The following ANKRD11 variants were observed in gnomAD, a reference collection of about 807,000 sequenced individuals.
ANKRD11 encodes ankyrin repeat domain-containing protein 11.
A neutral mutation model predicts 195.7 loss-of-function variants in ANKRD11; 17 were observed. That is an observed-to-expected ratio of 0.09 (90% CI 0.06 to 0.13). The LOEUF (loss-of-function observed/expected upper bound fraction) is 0.13, where lower values mean the gene tolerates loss of function less well. Among genes scored for constraint, ANKRD11 ranks in the 10% least tolerant of loss-of-function variants. The probability of loss-of-function intolerance (pLI) is 1.00; values close to 1 mark genes in which losing one functional copy is unlikely to be tolerated. For missense variants in ANKRD11, 3,735 were observed against 3,566.1 expected (o/e 1.05, Z -1.21); for synonymous variants, 1,953 against 1,528.1 (o/e 1.28, Z -6.49).
intron 7 of ANKRD11, chr16:89,288,133 C>T (rs1234088821): frequency 8.3e-6 from 5 of 601,264 alleles, no homozygotes; most frequent in Non-Finnish European, 1.5e-5. Context: ...GGCCACACCT[C>T]TTGGTGTTAC....
At chr16:89,401,131 C>T (rs2041667409) in intron 2 of ANKRD11, among the ~76,000 whole-genome samples, 1 of 119,940 alleles carries the variant, frequency 8.3e-6, no homozygotes, top group South Asian at 3.0e-4. Context: ...TCTTGTTCTG[C>T]TGCTCAGGCT....
intron 2 of ANKRD11, among the ~76,000 whole-genome samples, chr16:89,416,455 C>T (rs1431470278): frequency 3.3e-5 from 5 of 152,086 alleles, no homozygotes; most frequent in African/African-American, 7.2e-5. Flanking sequence ...TTCGCCACCA[C>T]GTCCGGTTAA....
intron 1 of ANKRD11, among the ~76,000 whole-genome samples, chr16:89,468,774 G>C (rs2056968508): frequency 6.6e-6 from 1 of 152,090 alleles, no homozygotes; most frequent in Non-Finnish European, 1.5e-5. Flanking sequence ...TACTGTTCTT[G>C]GCAGCCCCAA....
At chr16:89,469,938 C>A (rs1400316328) in intron 1 of ANKRD11, among the ~76,000 whole-genome samples, 1 of 150,830 alleles carries the variant, frequency 6.6e-6, no homozygotes, top group Non-Finnish European at 1.5e-5. Context: ...ACGGAGCTCA[C>A]TCTGTCGCTC....
chr16:89,338,535 C>T (rs1168476655), intron 2 of ANKRD11, among the ~76,000 whole-genome samples: 6 of 151,532 alleles, frequency 4.0e-5, no homozygotes, highest in Admixed American at 3.9e-4. Context: ...TCAAGACCAG[C>T]CTGGCCAACA....
rs756139834 is a variant in ANKRD11 at position 89,283,108 on chromosome 16, C to T, written c.3434G>A (p.Arg1145Lys). The change falls in exon 9 of 13, where the codon AGG becomes AAG. Residue 1145 changes from arginine to lysine, a missense_variant. Physicochemically the swap from Arg to Lys is conservative, Grantham distance 26. Transcript: ENST00000301030. The surrounding 1 kb of genome is among the most constrained non-coding windows in gnomAD (Gnocchi z 4.3). ...CTCCTTCTCCTGGAGGCCGTCCGTC[C>T]TCGGCAAGTCGCTGGCCTCTCCCAT... Reference protein sequence around the residue: ...FKMGEASDLPRTDGLQEKEEG... With the variant: ...FKMGEASDLPKTDGLQEKEEG... 1 of 1,613,974 alleles carries T rather than the reference C, an allele frequency of 6.2e-7. No individual in the cohort carries two copies.
chr16:89,284,116 C>G lies in ANKRD11; in HGVS notation c.2426G>C (p.Arg809Thr), dbSNP rs79174195. 1 of 1,611,132 alleles carries G rather than the reference C, an allele frequency of 6.2e-7. No homozygotes were observed. The highest frequency in any genetic ancestry group is 8.5e-7 in the Non-Finnish European group (1 of 1,179,126). The change falls in exon 9 of 13, where the codon AGG becomes ACG. Residue 809 changes from arginine to threonine, a missense_variant. Coordinates refer to ENST00000301030, the MANE Select transcript of ANKRD11 (RefSeq NM_013275.6). ...KEKLKKEKVY[R>T]EDSAFDEYCN... ...ATATTCGTCAAAAGCAGAATCTTCCCTATAAACCTTTTCTTTTTTGAGTTT... is the reference window on the plus strand; with the variant it reads ...ATATTCGTCAAAAGCAGAATCTTCCGTATAAACCTTTTCTTTTTTGAGTTT...
intron 3 of ANKRD11, chr16:89,313,505 G>A (rs1451887986): frequency 1.5e-5 from 19 of 1,289,174 alleles, no homozygotes; most frequent in East Asian, 1.1e-4. Context: ...AGGTCAGCGC[G>A]GCATCAGGAT....
Position 89,286,059 on chromosome 16 carries a change from G to A in ANKRD11, c.872C>T (p.Ser291Phe). The A allele has an allele frequency of 6.2e-7, 1 of 1,614,224 alleles. No individual in the cohort carries two copies. The highest frequency in any genetic ancestry group is 8.5e-7 in the Non-Finnish European group (1 of 1,180,042). ...CTTACCCGTCGAGCTCTCCTCGCTG[G>A]AAGTGTAAGTGCCTTTGCCTAACAG... ...NLLLGKGTYT[S>F]SEESSTESSE... Residue 291 changes from serine to phenylalanine, a missense_variant, in exon 8 of 13, where the codon TCC becomes TTC. Ser to Phe is a radical substitution (Grantham distance 155). Transcript: ENST00000301030.
intron 2 of ANKRD11, among the ~76,000 whole-genome samples, chr16:89,402,482 G>A (rs1015575608): frequency 1.3e-4 from 20 of 152,152 alleles, no homozygotes; most frequent in African/African-American, 3.9e-4. Context: ...GAGTTCAAGA[G>A]CATCCTGGGA....
chr16:89,340,356 C>A (rs1225434853), intron 2 of ANKRD11, among the ~76,000 whole-genome samples: 1 of 152,246 alleles, frequency 6.6e-6, no homozygotes, highest in East Asian at 1.9e-4. Flanking sequence ...CGGCTCACTG[C>A]AACCTCCACC....
chr16:89,269,856 G>C (rs1025819092), intron 12 of ANKRD11: 1 of 152,080 alleles, frequency 6.6e-6, no homozygotes, highest in Admixed American at 6.5e-5. Context: ...TCAGCCTCCC[G>C]AAGTGCTGGG....
chr16:89,370,072 AC>A (rs2040128194), intron 2 of ANKRD11, among the ~76,000 whole-genome samples: 1 of 152,200 alleles, frequency 6.6e-6, no homozygotes, highest in Admixed American at 6.5e-5. Flanking sequence ...CAGAGCTCTC[AC>A]TGAGGAAGAA....
intron 2 of ANKRD11, chr16:89,373,073 T>G (rs1361062177): frequency 2.0e-5 from 3 of 152,216 alleles, no homozygotes; most frequent in South Asian, 2.1e-4. Flanking sequence ...GTCGCTGTCA[T>G]AAAGAACTCT....
In ANKRD11 at chr16:89,279,309, G is replaced by C; in HGVS notation, c.7233C>G (p.Ile2411Met). Residue 2411 changes from isoleucine (I) to methionine (M), a missense_variant, in exon 9 of 13, where the codon ATC (isoleucine) becomes ATG (methionine). Transcript: ENST00000301030. The surrounding 1 kb of genome is among the most constrained non-coding windows in gnomAD (Gnocchi z 5.6). ...CCACGATGGCGGCCAGCGTCTGCTG[G>C]ATCACCTCCCGCGTCTGCTGCGTGG... is the stretch of plus-strand genomic sequence containing the variant. The part of the protein sequence containing the change: ...NTSTQQTREV[I>M]QQTLAAIVDA... The C allele has an allele frequency of 1.2e-6, 2 of 1,611,882 alleles. No homozygotes were observed. The highest frequency in any genetic ancestry group is 1.1e-5 in the South Asian group (1 of 90,960).
intron 2 of ANKRD11, among the ~76,000 whole-genome samples, chr16:89,342,553 T>C (rs1184802386): frequency 6.6e-6 from 1 of 152,258 alleles, no homozygotes; most frequent in African/African-American, 2.4e-5. Flanking sequence ...GCACACCACG[T>C]GCCTGAGCAG....
chr16:89,467,425 G>A (rs1159301335), intron 1 of ANKRD11, among the ~76,000 whole-genome samples: 1 of 152,216 alleles, frequency 6.6e-6, no homozygotes, highest in Non-Finnish European at 1.5e-5. Context: ...CTGGACCACA[G>A]AGTAAGACCT....
chr16:89,427,112 C>T (rs957761834), intron 1 of ANKRD11, among the ~76,000 whole-genome samples: 1 of 152,222 alleles, frequency 6.6e-6, no homozygotes, highest in Non-Finnish European at 1.5e-5. Flanking sequence ...GCTGTATCAT[C>T]ATCATACACA....
chr16:89,280,855 G>A lies in ANKRD11; in HGVS notation c.5687C>T (p.Ala1896Val). 1.2e-6 allele frequency: 2 copies of A among 1,604,644 alleles called. No homozygotes were observed. The highest frequency in any genetic ancestry group is 1.3e-5 in the African/African-American group (1 of 74,838). ...LQAKPSPSPR[A>V]ELLVPSLEGA... The stretch of plus-strand genomic sequence containing the variant: ...TTCGAGGGAAGGAACCAGCAGCTCG[G>A]CTCTGGGGGAAGGGGAAGGTTTTGC... The change falls in exon 9 of 13, where the codon GCC (alanine) becomes GTC (valine). Residue 1896 changes from alanine to valine, a missense_variant. Physicochemically the swap from Ala to Val is moderately conservative, Grantham distance 64. Coordinates refer to ENST00000301030, the MANE Select transcript of ANKRD11 (RefSeq NM_013275.6).
Sources: gnomAD v4.1 joint callset for allele counts (sites outside exome capture counted in the v4.1 genomes callset) on GRCh38, gnomAD v4.1.1 for gene constraint, Gnocchi (gnomAD v3.1) non-coding constraint, MANE v1.5 for transcripts, NCBI Gene and HGNC (gene_info 2026-07-23, HGNC 2026-07-21) for gene names.